Variants in CXorf38 observed in about 807,000 individuals in gnomAD.
The protein encoded by CXorf38 is uncharacterized protein CXorf38.
CXorf38 carries 13 observed loss-of-function variants against 27.5 expected under a neutral mutation model. The ratio of observed to expected loss-of-function variants is 0.47; its 90% confidence interval spans 0.31 to 0.75. The LOEUF (loss-of-function observed/expected upper bound fraction) is 0.75. Ranked by LOEUF, CXorf38 falls within the 30% of genes least tolerant of loss-of-function variation. The pLI is 0.05. For synonymous variants in CXorf38, 100 were observed against 99.8 expected, an observed-to-expected ratio of 1.00 and a Z score of -0.01; for missense variants, 240 against 253.2, an observed-to-expected ratio of 0.95 and a Z score of 0.35.
intron 5 of CXorf38, 104 bp from the exon 6 acceptor site, chrX:40,630,877 C>T: frequency 2.7e-6 from 2 of 751,870 alleles, no homozygotes; most frequent in Non-Finnish European, 3.8e-6. Flanking sequence ...TACTCACGTG[C>T]CCAAGAGACA....
chrX:40,637,994 C>G (rs1928150584), intron 3 of CXorf38, among the ~76,000 whole-genome samples: 1 of 111,870 alleles, frequency 8.9e-6, no homozygotes, highest in South Asian at 3.7e-4. Flanking sequence ...TTCCACATTC[C>G]CCCAAAATCC....
At chrX:40,633,447 C>T (rs1927918665) in intron 5 of CXorf38, among the ~76,000 whole-genome samples, 1 of 110,311 alleles carries the variant, frequency 9.1e-6, no homozygotes, top group Admixed American at 9.6e-5. Context: ...CAATCCTGAT[C>T]GCCCTCCCTC....
Position 40,647,352 on chromosome X carries a change from G to A in CXorf38, c.169C>T (p.Arg57Cys), listed in dbSNP as rs771114481. Residue 57 changes from arginine to cysteine, a missense_variant, in exon 1 of 7, where the codon CGC becomes TGC. Coordinates refer to ENST00000327877, the MANE Select transcript of CXorf38 (RefSeq NM_144970.3). ...LLAAAPGLGPRAVCRGGSRCS... is the reference protein window; with the variant it reads ...LLAAAPGLGPCAVCRGGSRCS... Reference sequence around the variant, plus strand: ...CGTGAGCCGCCGCGGCAGACGGCGCGGGGCCCCAGGCCGGGGGCTGCGGCG... The same window carrying A: ...CGTGAGCCGCCGCGGCAGACGGCGCAGGGCCCCAGGCCGGGGGCTGCGGCG... 8.8e-7 allele frequency: 1 copy of A among 1,136,793 alleles called. No homozygotes were observed. Among genetic ancestry groups the A allele is most frequent in the Non-Finnish European group, 1.2e-6 (1 of 864,724 alleles). 93.7% of individuals were successfully genotyped at this position (1,136,793 alleles called of 1,213,427 possible).
At chrX:40,644,442 C>T (rs1301591460) in intron 2 of CXorf38, among the ~76,000 whole-genome samples, 61 of 111,815 alleles carry the variant, frequency 5.5e-4, no homozygotes, top group African/African-American at 2.0e-3. Flanking sequence ...TATAGTCAGC[C>T]CTCCATATCC....
At chrX:40,637,839 A>G (rs781117521) in intron 3 of CXorf38, among the ~76,000 whole-genome samples, 1 of 111,792 alleles carries the variant, frequency 8.9e-6, no homozygotes, top group Non-Finnish European at 1.9e-5. Context: ...AATTCCTAAC[A>G]TAACCTGTAG....
intron 5 of CXorf38, among the ~76,000 whole-genome samples, chrX:40,631,266 C>T (rs1318051535): frequency 0.021 from 2,032 of 97,211 alleles, 66 homozygotes; most frequent in African/African-American, 0.078. Context: ...CACACACACA[C>T]ACACACACAC....
chrX:40,630,559 G>A (rs1160232335), intron 6 of CXorf38, 55 bp downstream of exon 6: 2 of 1,090,978 alleles, frequency 1.8e-6, no homozygotes, highest in Admixed American at 2.4e-5. Context: ...GAATAGACAT[G>A]AAAGAGATGA....
At chrX:40,645,883 G>A (rs1409850792) in intron 2 of CXorf38, among the ~76,000 whole-genome samples, 3 of 105,308 alleles carry the variant, frequency 2.8e-5, no homozygotes. Flanking sequence ...CTCCCAAAGT[G>A]CTGGGATTAC....
At chrX:40,637,805 G>C (rs781403015) in intron 3 of CXorf38, among the ~76,000 whole-genome samples, 4 of 112,067 alleles carry the variant, frequency 3.6e-5, no homozygotes, top group Non-Finnish European at 7.5e-5. Context: ...TGAGTCTCTG[G>C]AGCAGATTTC....
At chrX:40,644,811 A>T (rs138895770) in intron 2 of CXorf38, among the ~76,000 whole-genome samples, 1 of 111,900 alleles carries the variant, frequency 8.9e-6, no homozygotes, top group African/African-American at 3.3e-5. Flanking sequence ...GAGGAACGGG[A>T]GCAGGGATTT....
intron 5 of CXorf38, among the ~76,000 whole-genome samples, chrX:40,631,592 C>T (rs1927813742): frequency 8.9e-6 from 1 of 111,770 alleles, no homozygotes; most frequent in African/African-American, 3.3e-5. Flanking sequence ...AGGTGTGAGC[C>T]ACTGTGCCCA....
intron 2 of CXorf38, among the ~76,000 whole-genome samples, chrX:40,642,996 G>T (rs1422911508): frequency 2.7e-5 from 3 of 110,491 alleles, no homozygotes; most frequent in Non-Finnish European, 3.8e-5. Context: ...GGCTGGTCTT[G>T]AACTCCTGAC....
chrX:40,631,258 C>T (rs1173154292), intron 5 of CXorf38, among the ~76,000 whole-genome samples: 127 of 13,057 alleles, frequency 9.7e-3, no homozygotes, highest in African/African-American at 0.017. Flanking sequence ...TATATATACA[C>T]ACACACACAC....
intron 3 of CXorf38, among the ~76,000 whole-genome samples, chrX:40,638,351 G>A (rs1196267029): frequency 2.7e-5 from 3 of 111,959 alleles, no homozygotes; most frequent in Non-Finnish European, 5.6e-5. Context: ...AAAGATACAT[G>A]CATTTTCTCT....
intron 5 of CXorf38, 101 bp from the exon 6 acceptor site, chrX:40,630,874 G>C (rs188103606): frequency 1.3e-6 from 1 of 765,811 alleles, no homozygotes; most frequent in East Asian, 3.4e-5. Context: ...TCCTACTCAC[G>C]TGCCCAAGAG....
Position 40,637,617 on chromosome X carries a change from C to T in CXorf38, c.472-461G>A, listed in dbSNP as rs1396537927. On this transcript the variant is annotated intron_variant, in intron 3 of 6. Transcript: ENST00000327877. ...ATGGGAGTTACATGAGCCCTGTGTT[C>T]CCAGATCTTCTGATTTTTCATGAGA... is the stretch of plus-strand genomic sequence containing the variant. Among the ~76,000 whole-genome samples the T allele has an allele frequency of 4.5e-5, 5 of 112,169 alleles. No homozygotes were observed. In the Admixed American group the frequency reaches 4.7e-4, roughly 11 times the overall value.
chrX:40,643,907 G>C (rs1928460050), intron 2 of CXorf38, among the ~76,000 whole-genome samples: 1 of 112,570 alleles, frequency 8.9e-6, no homozygotes, highest in Non-Finnish European at 1.9e-5. Flanking sequence ...TCAGCATACT[G>C]TTTTCAAGAT....
intron 2 of CXorf38, chrX:40,639,334 T>C (rs1928215527): frequency 2.7e-6 from 1 of 375,278 alleles, no homozygotes. Context: ...AAGGGCTGTA[T>C]TATCCCTGCT....
chrX:40,630,415 A>T, intron 6 of CXorf38, 199 bp downstream of exon 6: 1 of 355,906 alleles, frequency 2.8e-6, no homozygotes, highest in Non-Finnish European at 4.8e-6. Flanking sequence ...CAGGGAGTTG[A>T]TGCTGAATTA....
Sources: gnomAD v4.1 joint callset for allele counts (sites outside exome capture counted in the v4.1 genomes callset) on GRCh38, gnomAD v4.1.1 for gene constraint, MANE v1.5 for transcripts, NCBI Gene and HGNC (gene_info 2026-07-23, HGNC 2026-07-21) for gene names.